MYO16: variants seen among roughly 807,000 people sequenced by gnomAD.
MYO16 encodes the protein unconventional myosin-XVI.
In MYO16, 94 loss-of-function variants were observed where a neutral mutation model predicts 205.3. The ratio of observed to expected loss-of-function variants is 0.46; its 90% confidence interval spans 0.39 to 0.54. The LOEUF (loss-of-function observed/expected upper bound fraction) is 0.54, where lower values mean the gene tolerates loss of function less well. Among genes scored for constraint, MYO16 ranks in the 20% least tolerant of loss-of-function variants. The probability of loss-of-function intolerance (pLI) is 0.00; values close to 1 mark genes in which losing one functional copy is unlikely to be tolerated. For synonymous variants in MYO16, 988 were observed against 954.0 expected (o/e 1.04, Z -0.66); for missense variants, 2,315 against 2,387.5 (o/e 0.97, Z 0.63).
intron 28 of MYO16, among the ~76,000 whole-genome samples, chr13:109,112,249 G>T (rs1889311726): frequency 6.6e-6 from 1 of 152,064 alleles, no homozygotes; most frequent in African/African-American, 2.4e-5. Flanking sequence ...GTTTCTAGAA[G>T]ACCAATAAAT....
chr13:109,052,298 A>G lies in MYO16; in HGVS notation c.2873-2A>G. ...TACGATATTCATTTATTTATTTCCTAGCTAGTGAAAATGTCGTGATCAATC... is the reference window on the plus strand; with the variant it reads ...TACGATATTCATTTATTTATTTCCTGGCTAGTGAAAATGTCGTGATCAATC... On this transcript the variant is annotated splice_acceptor_variant, in intron 24 of 34. Transcript: ENST00000457511. LOFTEE classifies it high-confidence loss of function. 3 of 1,610,838 alleles carry G rather than the reference A, an allele frequency of 1.9e-6. No homozygotes were observed. Among genetic ancestry groups the G allele is most frequent in the Non-Finnish European group, 2.5e-6 (3 of 1,177,576 alleles).
intron 2 of MYO16, among the ~76,000 whole-genome samples, chr13:108,707,912 T>G (rs1212169180): frequency 6.6e-6 from 1 of 152,120 alleles, no homozygotes; most frequent in African/African-American, 2.4e-5. Flanking sequence ...CTGATTCTAA[T>G]GGGGGCAGAA....
At chr13:108,819,187 A>C (rs1875814180) in intron 7 of MYO16, among the ~76,000 whole-genome samples, 1 of 152,228 alleles carries the variant, frequency 6.6e-6, no homozygotes, top group Non-Finnish European at 1.5e-5. Context: ...ATTATTTGTA[A>C]AAACAAATAA....
At chr13:108,746,279 AT>A (rs1435914717) in intron 4 of MYO16, among the ~76,000 whole-genome samples, 1 of 152,212 alleles carries the variant, frequency 6.6e-6, no homozygotes, top group African/African-American at 2.4e-5. Context: ...TAGACTGGAC[AT>A]AGGCAAGGAA....
At chr13:108,651,501 C>A (rs899619472) in intron 1 of MYO16, among the ~76,000 whole-genome samples, 1 of 152,100 alleles carries the variant, frequency 6.6e-6, no homozygotes, top group Non-Finnish European at 1.5e-5. Flanking sequence ...GATGGATGTG[C>A]AAAAAGTAAA....
In MYO16 at chr13:108,760,574, C is replaced by T. The variant is rs566140348; in HGVS notation, c.508-25061C>T. On this transcript the variant is annotated intron_variant, in intron 4 of 34. Transcript: ENST00000457511. The stretch of plus-strand genomic sequence containing the variant: ...TTCTTTATTTATGTGTTCATTTCCA[C>T]CTGACATATAATCTTTGAAGTTTTA... 2.1e-3 allele frequency among the ~76,000 whole-genome samples: 317 copies of T among 152,152 alleles called. 1 individual carries two copies. The highest frequency in any genetic ancestry group is 3.6e-3 in the Non-Finnish European group (243 of 68,022).
chr13:108,688,361 G>A lies in MYO16; in HGVS notation c.292+22212G>A, dbSNP rs187658934. Among the ~76,000 whole-genome samples the A allele has an allele frequency of 1.9e-4, 29 of 152,254 alleles. No homozygotes were observed. The South Asian group carries it at 5.0e-3, about 26-fold the overall frequency. ...CTTTCTCATCGGTAGGAATAGTACC[G>A]ATGTGGTAGATCATATGAATACGAA... On this transcript the variant is annotated intron_variant, in intron 2 of 34. Coordinates refer to ENST00000457511, the MANE Select transcript of MYO16 (RefSeq NM_001198950.3).
Position 108,910,250 on chromosome 13 carries a change from G to A in MYO16, c.1925+100G>A, listed in dbSNP as rs1881192848. On this transcript the variant is annotated intron_variant, in intron 16 of 34. Coordinates refer to ENST00000457511, the MANE Select transcript of MYO16 (RefSeq NM_001198950.3). ...CTTCTTACTTTTCAGAGACAAAATG[G>A]TGAGTAAAAGATAACTGTTGGATAC... 4 of 1,287,940 alleles carry A rather than the reference G, an allele frequency of 3.1e-6. No individual in the cohort carries two copies. In the Admixed American group the frequency reaches 7.9e-5, roughly 26 times the overall value. The allele number at this position is 1,287,940 out of a possible 1,614,324, so 79.8% of individuals were successfully genotyped here.
At position 108,986,735 on chromosome 13, in the gene MYO16, A is replaced by G. The variant is rs1309456278; in HGVS notation, c.2370-5641A>G. ...TGTTATTATGTATACTCTTCTCACT[A>G]CTACAGTTATTGATGAACTGCTCAC... On this transcript the variant is annotated intron_variant, in intron 20 of 34. Transcript: ENST00000457511. Among the ~76,000 whole-genome samples the G allele has an allele frequency of 9.9e-5, 15 of 151,914 alleles. 1 individual carries two copies. Among genetic ancestry groups the G allele is most frequent in the Admixed American group, 9.9e-4 (15 of 15,224 alleles).
At chr13:108,875,189 C>A (rs1879266875) in intron 12 of MYO16, among the ~76,000 whole-genome samples, 1 of 152,080 alleles carries the variant, frequency 6.6e-6, no homozygotes, top group Non-Finnish European at 1.5e-5. Context: ...ATCCCCTGAC[C>A]AAGAATCCTC....
At chr13:108,526,208 T>G in the MYO16 span, among the ~76,000 whole-genome samples, 3 of 152,156 alleles carry the variant, frequency 2.0e-5, no homozygotes, top group Non-Finnish European at 2.9e-5. Flanking sequence ...GATGAAAAAT[T>G]TAGACTACGC....
At chr13:109,034,826 G>T (rs1004999016) in intron 23 of MYO16, among the ~76,000 whole-genome samples, 1 of 152,082 alleles carries the variant, frequency 6.6e-6, no homozygotes, top group Non-Finnish European at 1.5e-5. Context: ...GCCATTCCTA[G>T]CCCCCTAAAA....
chr13:108,617,511 CTGT>C (rs1192160757), intron 1 of MYO16, among the ~76,000 whole-genome samples: 1 of 152,096 alleles, frequency 6.6e-6, no homozygotes, highest in Non-Finnish European at 1.5e-5. Context: ...ACTGAACAAC[CTGT>C]TGTTGTAAAT....
intron 15 of MYO16, among the ~76,000 whole-genome samples, chr13:108,899,434 AAAG>A (rs1456290937): frequency 6.3e-4 from 96 of 152,006 alleles, no homozygotes; most frequent in African/African-American, 2.1e-3. Flanking sequence ...AAAAAAAAAA[AAAG>A]AAAGAAAGAA....
rs191934730 is a variant in MYO16 at position 109,183,000 on chromosome 13, A to C, written c.5415+3367A>C. Among the ~76,000 whole-genome samples the C allele has an allele frequency of 2.3e-3, 356 of 152,330 alleles. 3 individuals carry two copies. Among genetic ancestry groups the C allele is most frequent in the South Asian group, 6.2e-3 (30 of 4,828 alleles). On this transcript the variant is annotated intron_variant, in intron 34 of 34. Transcript: ENST00000457511. The stretch of plus-strand genomic sequence containing the variant: ...GATACGACATCATGGAATTCCACAC[A>C]CTGGCCCTTGAGGGAGCTTTGTGGC...
intron 9 of MYO16, among the ~76,000 whole-genome samples, chr13:108,834,561 C>A: frequency 6.6e-6 from 1 of 152,050 alleles, no homozygotes; most frequent in African/African-American, 2.4e-5. Flanking sequence ...GTCACTACCC[C>A]ACCTTTGTGA....
At chr13:109,192,600 C>T (rs943940123) in intron 34 of MYO16, among the ~76,000 whole-genome samples, 10 of 152,108 alleles carry the variant, frequency 6.6e-5, no homozygotes, top group Admixed American at 3.9e-4. Flanking sequence ...TGAAACTAGC[C>T]AATGGAATGA....
chr13:108,698,793 C>T (rs9583279), intron 2 of MYO16, among the ~76,000 whole-genome samples: 1,577 of 152,312 alleles, frequency 0.01, 31 homozygotes, highest in African/African-American at 0.035. Flanking sequence ...AGAGTCTCTA[C>T]TGCCTCCTTT....
intron 32 of MYO16, among the ~76,000 whole-genome samples, chr13:109,146,464 C>A (rs1594125002): frequency 6.6e-6 from 1 of 152,244 alleles, no homozygotes; most frequent in Middle Eastern, 3.4e-3. Context: ...CCTCCTCTGG[C>A]ACTGGATCAT....
Sources: allele counts gnomAD v4.1 joint callset (sites outside exome capture counted in the v4.1 genomes callset), GRCh38; gene constraint gnomAD v4.1.1; transcripts MANE v1.5; gene names NCBI Gene and HGNC (gene_info 2026-07-23, HGNC 2026-07-21).